Variants in GABRB1 observed in about 807,000 individuals in gnomAD.
GABRB1 encodes gamma-aminobutyric acid receptor subunit beta-1.
A neutral mutation model predicts 51.6 loss-of-function variants in GABRB1; 17 were observed. The observed-to-expected ratio is 0.33, with a 90% CI of 0.23 to 0.49. GABRB1 has a LOEUF of 0.49. Among genes scored for constraint, GABRB1 ranks in the 20% least tolerant of loss-of-function variants. The pLI, the probability that GABRB1 is intolerant of heterozygous loss-of-function variation, is 0.99. For synonymous variants in GABRB1, 247 were observed against 218.9 expected, an observed-to-expected ratio of 1.13 and a Z score of -1.14; for missense variants, 410 against 600.6, an observed-to-expected ratio of 0.68 and a Z score of 3.32.
At chr4:47,108,519 A>G (rs937984313) in intron 3 of GABRB1, among the ~76,000 whole-genome samples, 1 of 152,060 alleles carries the variant, frequency 6.6e-6, no homozygotes, top group African/African-American at 2.4e-5. Context: ...TACAAATACC[A>G]AAGTTTCACC....
intron 4 of GABRB1, among the ~76,000 whole-genome samples, chr4:47,181,023 G>T (rs528284351): frequency 6.6e-6 from 1 of 151,946 alleles, no homozygotes; most frequent in East Asian, 1.9e-4. Flanking sequence ...TAAAAGCCTG[G>T]TCAGCACTCT....
At chr4:47,033,471 C>A (rs1725426171) in intron 3 of GABRB1, among the ~76,000 whole-genome samples, 1 of 152,138 alleles carries the variant, frequency 6.6e-6, no homozygotes, top group Admixed American at 6.5e-5. Flanking sequence ...ACAGCTAGAT[C>A]TACGTGAGCA....
At position 47,157,281 on chromosome 4, in the gene GABRB1, G is replaced by C. The variant is rs76607477; in HGVS notation, c.241-3968G>C. Among the ~76,000 whole-genome samples, 1,360 of 152,212 alleles carry C rather than the reference G, an allele frequency of 8.9e-3. 63 individuals are homozygous for C. Among genetic ancestry groups the C allele is most frequent in the Admixed American group, 0.072 (1,099 of 15,274 alleles). On this transcript the variant is annotated intron_variant, in intron 3 of 8. Coordinates refer to ENST00000295454, the MANE Select transcript of GABRB1 (RefSeq NM_000812.4). ...TAATTTTAATGCTGTTGGCCAAAGA[G>C]CATTAATTTCTTTCTGAAAAATGTC...
intron 3 of GABRB1, among the ~76,000 whole-genome samples, chr4:47,070,142 T>A (rs989699891): frequency 7.9e-5 from 12 of 151,886 alleles, no homozygotes; most frequent in Non-Finnish European, 1.5e-4. Context: ...CTCAAGCCAT[T>A]CTCCTGCCTC....
At position 47,413,605 on chromosome 4, in the gene GABRB1, T is replaced by G. The variant is rs368046354; in HGVS notation, c.1080+6679T>G. Reference sequence around the variant, plus strand: ...ATGCTTGTAAACAGTTAAATTTAAATGACATCTGTGCCCTGGTCCCAGACA... The same window carrying G: ...ATGCTTGTAAACAGTTAAATTTAAAGGACATCTGTGCCCTGGTCCCAGACA... On this transcript the variant is annotated intron_variant, in intron 8 of 8. Coordinates refer to ENST00000295454, the MANE Select transcript of GABRB1 (RefSeq NM_000812.4). Among the ~76,000 whole-genome samples, 17 of 152,360 alleles carry G rather than the reference T, an allele frequency of 1.1e-4. 1 individual carries two copies. In the East Asian group the frequency reaches 3.1e-3, roughly 28 times the overall value.
chr4:47,000,458 T>C (rs59481829), intron 1 of GABRB1, among the ~76,000 whole-genome samples: 8,721 of 152,306 alleles, frequency 0.057, 342 homozygotes, highest in South Asian at 0.17. Context: ...TCTTCTTTTG[T>C]GGAGCAAAGC....
rs577842890 is a variant in GABRB1, at chr4:47,419,935, G to A, written c.1081-5739G>A. On this transcript the variant is annotated intron_variant, in intron 8 of 8. Transcript: ENST00000295454. ...ATCTATCTGAAGTGGAAGAGGAAGC[G>A]TTTCTCGATTGGCCCTCCTGAAGCC... Among the ~76,000 whole-genome samples, 43 of 152,184 alleles carry A rather than the reference G, an allele frequency of 2.8e-4. No individual in the cohort carries two copies. In the South Asian group the frequency reaches 5.0e-3, roughly 18 times the overall value.
chr4:47,163,143 A>C (rs1718033282), intron 4 of GABRB1, among the ~76,000 whole-genome samples: 1 of 152,078 alleles, frequency 6.6e-6, no homozygotes, highest in African/African-American at 2.4e-5. Flanking sequence ...TGAACAAATT[A>C]TGTAAATTTG....
intron 5 of GABRB1, among the ~76,000 whole-genome samples, chr4:47,365,787 T>C (rs1726960038): frequency 1.3e-5 from 2 of 152,282 alleles, no homozygotes; most frequent in South Asian, 4.1e-4. Flanking sequence ...CTGAGGGCCT[T>C]CTCCTGAGCT....
chr4:47,392,744 C>G (rs1185447868), intron 5 of GABRB1, among the ~76,000 whole-genome samples: 1 of 152,164 alleles, frequency 6.6e-6, no homozygotes, highest in Non-Finnish European at 1.5e-5. Context: ...CAGAGTAGAG[C>G]ACAGAAAGTG....
chr4:47,130,961 C>CA, intron 3 of GABRB1, among the ~76,000 whole-genome samples: 1 of 152,272 alleles, frequency 6.6e-6, no homozygotes, highest in Non-Finnish European at 1.5e-5. Context: ...AACCAGTCAT[C>CA]AAACTGACAA....
At chr4:47,311,457 C>T (rs1175593589) in intron 4 of GABRB1, among the ~76,000 whole-genome samples, 1 of 143,358 alleles carries the variant, frequency 7.0e-6, no homozygotes, top group Non-Finnish European at 1.5e-5. Flanking sequence ...CTTGGAATAT[C>T]TTAGTGGGCC....
chr4:47,313,930 G>A (rs1724796145), intron 4 of GABRB1, among the ~76,000 whole-genome samples: 1 of 152,054 alleles, frequency 6.6e-6, no homozygotes, highest in Admixed American at 6.6e-5. Context: ...AGTTAGACCA[G>A]TGAAATCCTC....
intron 4 of GABRB1, among the ~76,000 whole-genome samples, chr4:47,253,792 C>A (rs1722079203): frequency 2.0e-5 from 3 of 152,048 alleles, no homozygotes; most frequent in Non-Finnish European, 1.5e-5. Flanking sequence ...CTTTTTAGGG[C>A]ACAATTTTCC....
intron 3 of GABRB1, among the ~76,000 whole-genome samples, chr4:47,130,386 T>C (rs985601654): frequency 6.7e-6 from 1 of 148,920 alleles, no homozygotes; most frequent in Non-Finnish European, 1.5e-5. Flanking sequence ...TGTGCTTTCT[T>C]TTCCAGTTTA....
chr4:47,012,973 T>C (rs1197919362), intron 1 of GABRB1, among the ~76,000 whole-genome samples: 1 of 152,230 alleles, frequency 6.6e-6, no homozygotes, highest in Non-Finnish European at 1.5e-5. Context: ...TTGTAGTTCA[T>C]TTGTGTAACC....
At chr4:47,114,759 C>T (rs951379899) in intron 3 of GABRB1, among the ~76,000 whole-genome samples, 2 of 152,110 alleles carry the variant, frequency 1.3e-5, no homozygotes, top group Admixed American at 1.3e-4. Flanking sequence ...ATTTACAAGG[C>T]CCAGTGCAAA....
chr4:47,351,870 A>G (rs950502450), intron 5 of GABRB1, among the ~76,000 whole-genome samples: 3 of 152,112 alleles, frequency 2.0e-5, no homozygotes, highest in African/African-American at 4.8e-5. Flanking sequence ...CAATAAACAT[A>G]CGTGTGCATG....
chr4:47,402,720 C>CA (rs1728437663), intron 5 of GABRB1, among the ~76,000 whole-genome samples: 1 of 152,090 alleles, frequency 6.6e-6, no homozygotes, highest in African/African-American at 2.4e-5. Flanking sequence ...AAAGCATTAT[C>CA]AAAAATTTAT....
Sources: gnomAD v4.1 joint callset for allele counts (sites outside exome capture counted in the v4.1 genomes callset) on GRCh38, gnomAD v4.1.1 for gene constraint, MANE v1.5 for transcripts, NCBI Gene and HGNC (gene_info 2026-07-23, HGNC 2026-07-21) for gene names.